Variants in PJA2 observed in about 807,000 individuals in gnomAD.
PJA2 encodes E3 ubiquitin-protein ligase Praja-2.
Under a neutral mutation model 69.3 loss-of-function variants are expected in PJA2, and 25 were observed. The ratio of observed to expected loss-of-function variants is 0.36; its 90% CI spans 0.26 to 0.50. The LOEUF (loss-of-function observed/expected upper bound fraction) is 0.50, where lower values mean the gene tolerates loss of function less well. Among genes scored for constraint, PJA2 ranks in the 20% least tolerant of loss-of-function variants. The pLI is 0.96. For synonymous variants in PJA2, 308 were observed against 277.8 expected (o/e 1.11, Z -1.08); for missense variants, 809 against 830.2 (o/e 0.97, Z 0.31).
chr5:109,378,687 G>T lies in PJA2; in HGVS notation c.800C>A (p.Thr267Lys). Residue 267 changes from threonine to lysine, a missense_variant, in exon 4 of 10, where the codon ACG (threonine) becomes AAG (lysine). Coordinates refer to ENST00000361189, the MANE Select transcript of PJA2 (RefSeq NM_014819.5). ...QRSSQDEMVS[T>K]KQQNNTSQER... is the part of the protein sequence containing the mutation. ...CTGGCTAGTATTATTTTGTTGTTTCGTACTAACCATTTCATCTTGAGAAGA... is the reference window on the plus strand; with the variant it reads ...CTGGCTAGTATTATTTTGTTGTTTCTTACTAACCATTTCATCTTGAGAAGA... 6.2e-7 allele frequency: 1 copy of T among 1,613,706 alleles called. No individual in the cohort carries two copies. Among genetic ancestry groups the T allele is most frequent in the Non-Finnish European group, 8.5e-7 (1 of 1,179,976 alleles).
chr5:109,335,603 C>T lies in PJA2; in HGVS notation c.*1628G>A, dbSNP rs1582573589. 6.6e-6 allele frequency: 1 copy of T among 152,118 alleles called. No individual in the cohort carries two copies. The highest frequency in any genetic ancestry group is 2.4e-5 in the African/African-American group (1 of 41,428). The allele number at this position is 152,118 out of a possible 1,614,324, so 9.4% of individuals were successfully genotyped here. A position where few individuals can be genotyped will look rare whatever the true frequency, so the allele number is the denominator to read the frequency against. On this transcript the variant is annotated 3_prime_UTR_variant, in exon 10 of 10. Transcript: ENST00000361189. ...AAAAATCACACTAGCCACAAATTTC[C>T]ACCATATACACATGAAATTAATTTT...
intron 9 of PJA2, 45 bp from the exon 10 acceptor site, chr5:109,337,401 T>G (rs770930500): frequency 1.3e-6 from 2 of 1,534,382 alleles, no homozygotes; most frequent in South Asian, 2.5e-5. Flanking sequence ...TCATCTTAAC[T>G]GCCACACAAG....
Position 109,378,222 on chromosome 5 carries a change from T to A in PJA2, c.1265A>T (p.Tyr422Phe). 1 of 1,612,132 alleles carries A rather than the reference T, an allele frequency of 6.2e-7. No homozygotes were observed. Among genetic ancestry groups the A allele is most frequent in the Non-Finnish European group, 8.5e-7 (1 of 1,178,694 alleles). ...WNGCGDYYQLYDKDEDSSECS... is the reference protein window; with the variant it reads ...WNGCGDYYQLFDKDEDSSECS... ...ACCTTACCTATCTTCATCTTTGTCA[T>A]AGAGTTGGTAATAATCTCCACAGCC... Residue 422 changes from tyrosine (Y) to phenylalanine (F), a missense_variant, in exon 4 of 10, where the codon TAT (tyrosine) becomes TTT (phenylalanine). Tyr to Phe is a conservative substitution (Grantham distance 22). Around this residue, in one of 4 missense-constraint regions of PJA2, gnomAD observed 700 missense variants for 639.5 expected, o/e 1.09. Transcript: ENST00000361189.
chr5:109,377,281 A>G (rs553284166), intron 4 of PJA2, among the ~76,000 whole-genome samples: 36 of 152,272 alleles, frequency 2.4e-4, no homozygotes, highest in African/African-American at 8.4e-4. Flanking sequence ...TTCTAACTAA[A>G]AAAAAACCAC....
chr5:109,362,955 T>C lies in PJA2; in HGVS notation c.1537A>G (p.Ser513Gly). 6.2e-7 allele frequency: 1 copy of C among 1,613,876 alleles called. No individual in the cohort carries two copies. Among genetic ancestry groups the C allele is most frequent in the South Asian group, 1.1e-5 (1 of 91,040 alleles). ...TTGGCAGGTTCATTTCCCTCATCAC[T>C]GCTGCTTTCATTGACTTCATTGTAC... ...LQYNEVNESS[S>G]DEGNEPANEF... Residue 513 changes from serine (S) to glycine (G), a missense_variant, in exon 6 of 10, where the codon AGT (serine) becomes GGT (glycine). Around this residue, in one of 4 missense-constraint regions of PJA2, gnomAD observed 700 missense variants for 639.5 expected, o/e 1.09. Transcript: ENST00000361189.
chr5:109,350,220 G>C (rs1218431758), intron 7 of PJA2, among the ~76,000 whole-genome samples: 2 of 151,402 alleles, frequency 1.3e-5, no homozygotes, highest in East Asian at 3.9e-4. Context: ...AGATGATCCA[G>C]GATCACTTAT....
chr5:109,359,023 GT>G (rs1462162049), intron 6 of PJA2, among the ~76,000 whole-genome samples: 2 of 151,760 alleles, frequency 1.3e-5, no homozygotes, highest in East Asian at 1.9e-4. Flanking sequence ...CTTAAACTCA[GT>G]TTTTTTTCCA....
intron 6 of PJA2, among the ~76,000 whole-genome samples, chr5:109,358,730 A>G (rs992050162): frequency 2.0e-5 from 3 of 152,194 alleles, no homozygotes; most frequent in Admixed American, 1.3e-4. Flanking sequence ...CTGAGGCTGG[A>G]CAATCACTTG....
intron 4 of PJA2, among the ~76,000 whole-genome samples, chr5:109,369,112 A>C (rs1447823953): frequency 1.3e-5 from 2 of 152,204 alleles, no homozygotes; most frequent in Non-Finnish European, 2.9e-5. Flanking sequence ...CACCCCCAAG[A>C]AGCAGAAGCC....
chr5:109,400,232 A>T (rs1298103147), intron 1 of PJA2, among the ~76,000 whole-genome samples: 1 of 151,728 alleles, frequency 6.6e-6, no homozygotes, highest in Non-Finnish European at 1.5e-5. Context: ...CAGAGGTTGC[A>T]GTGAGCCAAG....
At chr5:109,379,864 G>A (rs1707906509) in intron 3 of PJA2, among the ~76,000 whole-genome samples, 1 of 152,012 alleles carries the variant, frequency 6.6e-6, no homozygotes. Context: ...AAACAACAAA[G>A]AGATCAATAT....
intron 1 of PJA2, among the ~76,000 whole-genome samples, chr5:109,400,577 T>C (rs536399051): frequency 6.6e-6 from 1 of 152,028 alleles, no homozygotes; most frequent in East Asian, 1.9e-4. Flanking sequence ...TAAAAGATCA[T>C]AAATCCCAAG....
At chr5:109,375,355 C>G (rs992552004) in intron 4 of PJA2, among the ~76,000 whole-genome samples, 1 of 151,460 alleles carries the variant, frequency 6.6e-6, no homozygotes, top group Admixed American at 6.6e-5. Flanking sequence ...ACTAAAAATA[C>G]AAAAATTAGC....
intron 1 of PJA2, among the ~76,000 whole-genome samples, chr5:109,403,732 T>C (rs1217499970): frequency 1.4e-5 from 2 of 138,718 alleles, no homozygotes; most frequent in African/African-American, 5.3e-5. Flanking sequence ...ACAGTAATAA[T>C]ACCTGACTAA....
chr5:109,344,575 G>C, intron 8 of PJA2, 130 bp downstream of exon 8: 3 of 680,116 alleles, frequency 4.4e-6, no homozygotes, highest in African/African-American at 1.8e-5. Flanking sequence ...AAGTTTGTGA[G>C]CATCTGGTTT....
At chr5:109,395,534 G>T (rs1747387793) in intron 1 of PJA2, among the ~76,000 whole-genome samples, 1 of 152,082 alleles carries the variant, frequency 6.6e-6, no homozygotes, top group Non-Finnish European at 1.5e-5. Context: ...CTTCGGGGGA[G>T]GGAATAAAAA....
chr5:109,375,095 G>T (rs1266585703), intron 4 of PJA2, among the ~76,000 whole-genome samples: 2 of 152,190 alleles, frequency 1.3e-5, no homozygotes, highest in Non-Finnish European at 2.9e-5. Context: ...CATTTCAGAT[G>T]TGATTAAATG....
At chr5:109,376,172 G>A (rs979498018) in intron 4 of PJA2, among the ~76,000 whole-genome samples, 2 of 150,570 alleles carry the variant, frequency 1.3e-5, no homozygotes, top group Non-Finnish European at 2.9e-5. Context: ...CTAACCACAG[G>A]CTCTGTAGTC....
intron 1 of PJA2, among the ~76,000 whole-genome samples, chr5:109,400,486 A>AGG (rs1267642818): frequency 7.8e-5 from 1 of 12,806 alleles, no homozygotes; most frequent in Non-Finnish European, 1.4e-4. Context: ...CAGCAGGGGG[A>AGG]GGGGGGGGAA....
Sources: gnomAD v4.1 joint callset for allele counts (sites outside exome capture counted in the v4.1 genomes callset) on GRCh38, gnomAD v4.1.1 for gene constraint, gnomAD v4.1.1 regional missense constraint, MANE v1.5 for transcripts, NCBI Gene and HGNC (gene_info 2026-07-23, HGNC 2026-07-21) for gene names.